The following ROBO2 variants were observed in gnomAD, a reference collection of about 807,000 sequenced individuals.
The protein encoded by ROBO2 is roundabout guidance receptor 2, also known as roundabout homolog 2.
In ROBO2, 53 loss-of-function variants were observed where a neutral mutation model predicts 160.8. That is an observed-to-expected ratio of 0.33 (90% CI 0.26 to 0.41). ROBO2 has a LOEUF of 0.41. Ranked by LOEUF, ROBO2 falls within the 10% of genes least tolerant of loss-of-function variation. The pLI is 1.00. For synonymous variants in ROBO2, 664 were observed against 611.7 expected (o/e 1.09, Z -1.26); for missense variants, 1,577 against 1,722.4 (o/e 0.92, Z 1.49).
At chr3:77,284,206 G>C (rs2153376274) in intron 2 of ROBO2, among the ~76,000 whole-genome samples, 1 of 152,226 alleles carries the variant, frequency 6.6e-6, no homozygotes, top group Non-Finnish European at 1.5e-5. Flanking sequence ...AGTCACAATA[G>C]ACAGTATGGC....
chr3:76,873,918 C>T (rs945429520), intron 2 of ROBO2, among the ~76,000 whole-genome samples: 10 of 152,100 alleles, frequency 6.6e-5, no homozygotes, highest in African/African-American at 2.4e-4. Flanking sequence ...TCGGCCTCCT[C>T]CTAATTTGAT....
intron 21 of ROBO2, among the ~76,000 whole-genome samples, chr3:77,612,897 G>A (rs530869134): frequency 6.6e-6 from 1 of 152,168 alleles, no homozygotes; most frequent in South Asian, 2.1e-4. Context: ...AGCTTGCAGT[G>A]AGCCGAGATC....
intron 2 of ROBO2, among the ~76,000 whole-genome samples, chr3:76,930,328 C>G (rs1284268232): frequency 6.6e-6 from 1 of 152,108 alleles, no homozygotes; most frequent in Non-Finnish European, 1.5e-5. Context: ...ATACCCTTCC[C>G]CACTCTTTGT....
intron 2 of ROBO2, among the ~76,000 whole-genome samples, chr3:76,900,717 T>A (rs551124072): frequency 3.1e-4 from 47 of 152,286 alleles, no homozygotes; most frequent in Admixed American, 2.1e-3. Flanking sequence ...TTCCTGTGGC[T>A]CATTTGAAGG....
chr3:76,220,569 C>T (rs1703899272), intron 2 of ROBO2, among the ~76,000 whole-genome samples: 1 of 152,194 alleles, frequency 6.6e-6, no homozygotes, highest in South Asian at 2.1e-4. Flanking sequence ...GACTTCCCAG[C>T]CTCCAAAACT....
intron 2 of ROBO2, among the ~76,000 whole-genome samples, chr3:76,396,671 C>T (rs985928735): frequency 1.3e-5 from 2 of 152,108 alleles, no homozygotes; most frequent in Non-Finnish European, 2.9e-5. Flanking sequence ...CATTCTTATG[C>T]ACCAATAACA....
chr3:76,603,332 C>CAAAAAAAAAAA (rs61547121), intron 2 of ROBO2, among the ~76,000 whole-genome samples: 2 of 66,516 alleles, frequency 3.0e-5, no homozygotes, highest in African/African-American at 8.2e-5. Context: ...ACTCCATCTC[C>CAAAAAAAAAAA]AAAAAAAAAA....
At position 76,765,448 on chromosome 3, in the gene ROBO2, T is replaced by A. The variant is rs1471394015; in HGVS notation, c.110-332566T>A. ...TCCTACTGTTGAGATGTGGGGTTGATGTCTCCTCCCATTGAATCTGGGCAG... is the reference window on the plus strand; with the variant it reads ...TCCTACTGTTGAGATGTGGGGTTGAAGTCTCCTCCCATTGAATCTGGGCAG... On this transcript the variant is annotated intron_variant, in intron 2 of 26. Transcript: ENST00000487694. Among the ~76,000 whole-genome samples, 3 of 151,736 alleles carry A rather than the reference T, an allele frequency of 2.0e-5. No homozygotes were observed. The East Asian group carries it at 5.9e-4, about 30-fold the overall frequency.
intron 2 of ROBO2, among the ~76,000 whole-genome samples, chr3:76,078,771 G>A (rs1473748199): frequency 1.3e-5 from 2 of 152,290 alleles, no homozygotes; most frequent in East Asian, 3.9e-4. Context: ...TGTAATTGGA[G>A]TAGATAATAT....
At chr3:76,297,857 G>T (rs1292829708) in intron 2 of ROBO2, among the ~76,000 whole-genome samples, 1 of 152,122 alleles carries the variant, frequency 6.6e-6, no homozygotes, top group Non-Finnish European at 1.5e-5. Flanking sequence ...GTTTCTCTGT[G>T]AATGCTGTAA....
At chr3:77,352,677 C>A (rs916224931) in intron 2 of ROBO2, among the ~76,000 whole-genome samples, 35 of 152,064 alleles carry the variant, frequency 2.3e-4, no homozygotes, top group Non-Finnish European at 4.6e-4. Flanking sequence ...TTGTCTTCAT[C>A]TTAGTTTTTT....
chr3:76,398,767 A>G (rs1424132300), intron 2 of ROBO2, among the ~76,000 whole-genome samples: 4 of 151,892 alleles, frequency 2.6e-5, no homozygotes, highest in East Asian at 1.9e-4. Context: ...AGTATATTCT[A>G]TTAGTTTAGC....
chr3:76,873,585 C>CGTCGTT (rs1310989823), intron 2 of ROBO2, among the ~76,000 whole-genome samples: 2 of 151,960 alleles, frequency 1.3e-5, no homozygotes, highest in African/African-American at 2.4e-5. Context: ...TCGTCGTCGT[C>CGTCGTT]GTCGTTGTCG....
At chr3:75,939,267 A>C (rs1947932477) in intron 2 of ROBO2, among the ~76,000 whole-genome samples, 1 of 152,186 alleles carries the variant, frequency 6.6e-6, no homozygotes, top group Admixed American at 6.6e-5. Flanking sequence ...AGGGTTGCTA[A>C]AACCTTCCTC....
chr3:76,223,281 T>G (rs1704085313), intron 2 of ROBO2, among the ~76,000 whole-genome samples: 1 of 151,974 alleles, frequency 6.6e-6, no homozygotes, highest in African/African-American at 2.4e-5. Flanking sequence ...TTATTTTATA[T>G]TCCAACTGCC....
At chr3:76,356,564 A>G (rs2075179282) in intron 2 of ROBO2, among the ~76,000 whole-genome samples, 1 of 151,750 alleles carries the variant, frequency 6.6e-6, no homozygotes, top group East Asian at 1.9e-4. Flanking sequence ...CTTAACAATT[A>G]TATAAGGGTC....
chr3:77,449,732 T>C (rs75168115), intron 2 of ROBO2, among the ~76,000 whole-genome samples: 11 of 152,214 alleles, frequency 7.2e-5, no homozygotes, highest in Admixed American at 4.6e-4. Context: ...CGTGCTTAGC[T>C]AGCAAAATCT....
intron 2 of ROBO2, among the ~76,000 whole-genome samples, chr3:75,963,814 G>A (rs1268055256): frequency 1.3e-5 from 2 of 151,670 alleles, no homozygotes; most frequent in Admixed American, 6.6e-5. Context: ...CCTTCTCACA[G>A]CTCTGTCTTC....
chr3:76,293,665 A>G (rs1708921316), intron 2 of ROBO2, among the ~76,000 whole-genome samples: 1 of 152,200 alleles, frequency 6.6e-6, no homozygotes, highest in African/African-American at 2.4e-5. Flanking sequence ...TGGACATTGG[A>G]TGGAGTGGCC....
Sources: gnomAD v4.1 joint callset for allele counts (sites outside exome capture counted in the v4.1 genomes callset) on GRCh38, gnomAD v4.1.1 for gene constraint, MANE v1.5 for transcripts, NCBI Gene and HGNC (gene_info 2026-07-23, HGNC 2026-07-21) for gene names.